Variants in PRTFDC1 observed in about 807,000 individuals in gnomAD.
PRTFDC1 encodes phosphoribosyltransferase domain-containing protein 1.
A neutral mutation model predicts 34.6 loss-of-function variants in PRTFDC1; 38 were observed. The observed-to-expected ratio is 1.10, with a 90% CI of 0.85 to 1.44. The LOEUF (loss-of-function observed/expected upper bound fraction) is 1.44, where lower values mean the gene tolerates loss of function less well. PRTFDC1 is among the 40% of genes most tolerant of loss of function. The probability of loss-of-function intolerance (pLI) is 0.00; values close to 1 mark genes in which losing one functional copy is unlikely to be tolerated. For missense variants in PRTFDC1, 270 were observed against 283.0 expected, an observed-to-expected ratio of 0.95 and a Z score of 0.33; for synonymous variants, 93 against 98.1, an observed-to-expected ratio of 0.95 and a Z score of 0.31.
At chr10:24,902,536 A>C (rs1848466220) in intron 3 of PRTFDC1, among the ~76,000 whole-genome samples, 1 of 152,230 alleles carries the variant, frequency 6.6e-6, no homozygotes, top group Non-Finnish European at 1.5e-5. Flanking sequence ...ATCAGAACCA[A>C]GACTAGAATC....
In PRTFDC1 at chr10:24,869,930, C is replaced by T. The variant is rs539696341; in HGVS notation, c.405+2068G>A. Among the ~76,000 whole-genome samples, 29 of 152,272 alleles carry T rather than the reference C, an allele frequency of 1.9e-4. 1 individual carries two copies. The highest frequency in any genetic ancestry group is 1.6e-3 in the Admixed American group (24 of 15,290). ...CTTTCTAATTTCTATATAAGAGGAC[C>T]ATCCACTTGTTCAGTCACCAAATAT... On this transcript the variant is annotated intron_variant, in intron 4 of 8. Transcript: ENST00000320152.
intron 3 of PRTFDC1, among the ~76,000 whole-genome samples, chr10:24,936,134 T>C (rs919459058): frequency 1.3e-5 from 2 of 152,238 alleles, no homozygotes; most frequent in Non-Finnish European, 2.9e-5. Flanking sequence ...ATGTGTCAAG[T>C]TAGTTTAGTC....
rs940105928 is a variant in PRTFDC1, at chr10:24,926,392, T to C, written c.339+10792A>G. 3.9e-5 allele frequency among the ~76,000 whole-genome samples: 6 copies of C among 152,336 alleles called. No individual in the cohort carries two copies. In the East Asian group the frequency reaches 1.2e-3, roughly 29 times the overall value. ...AGGCTGTGATCTTTCATCCATCTTT[T>C]TTTGAGACGGAGTCTCATTCTGTTA... On this transcript the variant is annotated intron_variant, in intron 3 of 8. Transcript: ENST00000320152.
chr10:24,922,362 C>T (rs12266014), intron 3 of PRTFDC1, among the ~76,000 whole-genome samples: 39,682 of 152,160 alleles, frequency 0.26, 5,959 homozygotes, highest in Non-Finnish European at 0.35. Context: ...AAACTGATTA[C>T]CGCATTGATA....
intron 3 of PRTFDC1, among the ~76,000 whole-genome samples, chr10:24,876,937 C>A (rs576247581): frequency 3.2e-4 from 47 of 148,568 alleles, no homozygotes; most frequent in African/African-American, 1.1e-3. Flanking sequence ...GAAAAATAAG[C>A]CTTTTATTTC....
chr10:24,936,041 A>G (rs1196360513), intron 3 of PRTFDC1, among the ~76,000 whole-genome samples: 1 of 152,222 alleles, frequency 6.6e-6, no homozygotes, highest in Non-Finnish European at 1.5e-5. Flanking sequence ...ATACACGTGT[A>G]TGTTGGTTTA....
intron 7 of PRTFDC1, among the ~76,000 whole-genome samples, chr10:24,854,853 G>T (rs1847545646): frequency 6.6e-6 from 1 of 152,166 alleles, no homozygotes; most frequent in Admixed American, 6.5e-5. Context: ...GGTCACCATT[G>T]TGCGTTGTCT....
intron 3 of PRTFDC1, among the ~76,000 whole-genome samples, chr10:24,892,371 G>T (rs116017786): frequency 1.3e-3 from 197 of 152,098 alleles, no homozygotes; most frequent in African/African-American, 4.2e-3. Flanking sequence ...CAGTGTATAA[G>T]GGTCTCCCTT....
intron 1 of PRTFDC1, among the ~76,000 whole-genome samples, chr10:24,945,112 A>T (rs1390921437): frequency 6.6e-6 from 1 of 152,140 alleles, no homozygotes; most frequent in Non-Finnish European, 1.5e-5. Flanking sequence ...CACCTCTGCA[A>T]AGACGCCTTC....
chr10:24,912,926 G>A (rs75172490), intron 3 of PRTFDC1, among the ~76,000 whole-genome samples: 2,911 of 152,046 alleles, frequency 0.019, 106 homozygotes, highest in African/African-American at 0.067. Context: ...ATATCATGTC[G>A]CCTTTCCACT....
chr10:24,860,349 C>G (rs1847657988), intron 4 of PRTFDC1, among the ~76,000 whole-genome samples: 1 of 152,100 alleles, frequency 6.6e-6, no homozygotes, highest in Non-Finnish European at 1.5e-5. Flanking sequence ...CCACTGCACT[C>G]CAGCCTGGAT....
At chr10:24,949,764 A>C (rs1271884428) in intron 1 of PRTFDC1, among the ~76,000 whole-genome samples, 1 of 142,190 alleles carries the variant, frequency 7.0e-6, no homozygotes, top group Admixed American at 7.0e-5. Context: ...TTTAAGAAGG[A>C]GTTTCACTCT....
intron 3 of PRTFDC1, among the ~76,000 whole-genome samples, chr10:24,887,554 TC>T (rs1848191825): frequency 6.6e-6 from 1 of 151,946 alleles, no homozygotes; most frequent in Non-Finnish European, 1.5e-5. Context: ...ACTGCAAGTT[TC>T]CTGAGGCCTC....
intron 7 of PRTFDC1, among the ~76,000 whole-genome samples, chr10:24,854,589 A>G (rs1052502664): frequency 6.6e-6 from 1 of 152,200 alleles, no homozygotes; most frequent in African/African-American, 2.4e-5. Context: ...AATCGCCTCT[A>G]GTGTTAGAAT....
intron 3 of PRTFDC1, among the ~76,000 whole-genome samples, chr10:24,883,977 T>C (rs1046160975): frequency 6.6e-6 from 1 of 151,742 alleles, no homozygotes; most frequent in Non-Finnish European, 1.5e-5. Flanking sequence ...TCATGCACCA[T>C]CATGCCTGGA....
At chr10:24,888,638 T>C (rs1029149802) in intron 3 of PRTFDC1, among the ~76,000 whole-genome samples, 1 of 152,236 alleles carries the variant, frequency 6.6e-6, no homozygotes, top group African/African-American at 2.4e-5. Context: ...CTAAAATTTG[T>C]TAGTGTTTAC....
chr10:24,870,028 C>A (rs1001089720), intron 4 of PRTFDC1, among the ~76,000 whole-genome samples: 2 of 152,118 alleles, frequency 1.3e-5, no homozygotes, highest in African/African-American at 4.8e-5. Context: ...GGGAGACAGG[C>A]AAATAAAAAA....
chr10:24,921,179 A>G (rs763775006), intron 3 of PRTFDC1, among the ~76,000 whole-genome samples: 2 of 152,132 alleles, frequency 1.3e-5, no homozygotes, highest in Non-Finnish European at 2.9e-5. Flanking sequence ...AGTAAGGGGT[A>G]TGTTTAAAAA....
chr10:24,918,904 A>G (rs1848738299), intron 3 of PRTFDC1, among the ~76,000 whole-genome samples: 1 of 152,182 alleles, frequency 6.6e-6, no homozygotes, highest in Non-Finnish European at 1.5e-5. Context: ...AGCAGTGTGG[A>G]AAGACTGTGG....
Sources: allele counts gnomAD v4.1 joint callset (sites outside exome capture counted in the v4.1 genomes callset), GRCh38; gene constraint gnomAD v4.1.1; transcripts MANE v1.5; gene names NCBI Gene and HGNC (gene_info 2026-07-23, HGNC 2026-07-21).